Variants in TMTC1 observed in about 807,000 individuals in gnomAD.
TMTC1 encodes transmembrane O-mannosyltransferase targeting cadherins 1, also known as protein O-mannosyl-transferase TMTC1.
Under a neutral mutation model 104.8 loss-of-function variants are expected in TMTC1, and 73 were observed. The ratio of observed to expected loss-of-function variants is 0.70; its 90% CI spans 0.58 to 0.85. TMTC1 has a LOEUF of 0.85. Ranked by LOEUF, TMTC1 falls within the 40% of genes least tolerant of loss-of-function variation. The pLI, the probability that TMTC1 is intolerant of heterozygous loss-of-function variation, is 0.00. For missense variants in TMTC1, 1,035 were observed against 1,096.1 expected (o/e 0.94, Z 0.79); for synonymous variants, 434 against 428.7 (o/e 1.01, Z -0.15).
intron 5 of TMTC1, among the ~76,000 whole-genome samples, chr12:29,724,338 A>G (rs1210598723): frequency 6.6e-6 from 1 of 152,210 alleles, no homozygotes; most frequent in Non-Finnish European, 1.5e-5. Context: ...GAGAAGAAAT[A>G]GGGCCTAATT....
intron 7 of TMTC1, among the ~76,000 whole-genome samples, chr12:29,595,318 C>A (rs955869823): frequency 2.6e-5 from 4 of 152,202 alleles, no homozygotes; most frequent in African/African-American, 9.6e-5. Context: ...AACACATTGG[C>A]CAGTGGATCT....
At chr12:29,584,707 C>G (rs984024329) in intron 7 of TMTC1, among the ~76,000 whole-genome samples, 2 of 151,738 alleles carry the variant, frequency 1.3e-5, no homozygotes, top group African/African-American at 4.8e-5. Context: ...TTTTGTCCTT[C>G]TGATAGTTTG....
intron 5 of TMTC1, among the ~76,000 whole-genome samples, chr12:29,698,756 AGTATGAACAGAT>A (rs1289106090): frequency 2.0e-5 from 3 of 152,224 alleles, no homozygotes; most frequent in African/African-American, 7.2e-5. Context: ...GTCTTGCCAG[AGTATGAACAGAT>A]GCTCACTATC....
chr12:29,556,800 G>C, intron 10 of TMTC1, 57 bp downstream of exon 10: 1 of 1,606,976 alleles, frequency 6.2e-7, no homozygotes, highest in Non-Finnish European at 8.5e-7. Flanking sequence ...GTGTTGAGAA[G>C]GAAAGAGTTT....
rs545259604 is a variant in TMTC1 at position 29,521,570 on chromosome 12, T to A, written c.1786-850A>T. 7.4e-5 allele frequency among the ~76,000 whole-genome samples: 11 copies of A among 147,904 alleles called. No homozygotes were observed. In the East Asian group the frequency reaches 9.9e-4, roughly 13 times the overall value. On this transcript the variant is annotated intron_variant, in intron 11 of 17. Transcript: ENST00000539277. The stretch of plus-strand genomic sequence containing the variant: ...CATTTTTCTTTTTCTTTCTTTCTTT[T>A]TTTTTTTTTTTTTGAGACAGAGAGT...
chr12:29,693,793 T>C (rs990593350), intron 5 of TMTC1, among the ~76,000 whole-genome samples: 2 of 152,082 alleles, frequency 1.3e-5, no homozygotes, highest in East Asian at 3.9e-4. Context: ...TGTATTTTCA[T>C]AAGAGAAAAG....
chr12:29,608,486 T>C (rs547126141), intron 6 of TMTC1, among the ~76,000 whole-genome samples: 8 of 152,188 alleles, frequency 5.3e-5, no homozygotes, highest in Admixed American at 1.3e-4. Context: ...AACACAGCCA[T>C]TATAATACAT....
chr12:29,719,631 T>C (rs925833563), intron 5 of TMTC1, among the ~76,000 whole-genome samples: 1 of 152,176 alleles, frequency 6.6e-6, no homozygotes, highest in Non-Finnish European at 1.5e-5. Flanking sequence ...TCTCATTGAC[T>C]CTCCCTCTTG....
intron 11 of TMTC1, among the ~76,000 whole-genome samples, chr12:29,522,469 A>G (rs1398192144): frequency 6.6e-6 from 1 of 152,216 alleles, no homozygotes; most frequent in Non-Finnish European, 1.5e-5. Flanking sequence ...CAAAAAATTT[A>G]AAGATGAATT....
intron 5 of TMTC1, 137 bp downstream of exon 5, chr12:29,751,529 G>A (rs1347104697): frequency 4.7e-6 from 4 of 846,128 alleles, no homozygotes; most frequent in Non-Finnish European, 7.9e-6. Context: ...CAGGAAGAAG[G>A]GGGTAAGGAG....
intron 1 of TMTC1, among the ~76,000 whole-genome samples, chr12:29,772,209 T>C (rs1212783398): frequency 6.6e-6 from 1 of 152,184 alleles, no homozygotes; most frequent in Non-Finnish European, 1.5e-5. Flanking sequence ...CTTGAAATAT[T>C]AGAAGACCTG....
rs61735729 is a variant in TMTC1 at position 29,706,206 on chromosome 12, G to C, written c.938+45460C>G. On this transcript the variant is annotated intron_variant, in intron 5 of 17. Transcript: ENST00000539277. The stretch of plus-strand genomic sequence containing the variant: ...ACCAAGTTCAGACAGAACTGCAATG[G>C]GGTGGTCAAGAAAAGCTTCCTTGAG... 6.4e-3 allele frequency among the ~76,000 whole-genome samples: 979 copies of C among 152,246 alleles called. 14 individuals are homozygous for C. The highest frequency in any genetic ancestry group is 0.02 in the African/African-American group (816 of 41,534).
intron 16 of TMTC1, among the ~76,000 whole-genome samples, chr12:29,513,103 T>A (rs977942324): frequency 1.3e-5 from 2 of 152,182 alleles, no homozygotes; most frequent in African/African-American, 4.8e-5. Flanking sequence ...GATGGGAATG[T>A]AGTGTAGGAG....
chr12:29,644,111 A>ATGTGTGTG (rs371107912), intron 5 of TMTC1, among the ~76,000 whole-genome samples: 20 of 74,430 alleles, frequency 2.7e-4, no homozygotes, highest in Non-Finnish European at 3.2e-4. Flanking sequence ...ATAAATATAT[A>ATGTGTGTG]TGTGTGTGTG....
chr12:29,576,507 T>C (rs1006919070), intron 8 of TMTC1, among the ~76,000 whole-genome samples: 3 of 152,330 alleles, frequency 2.0e-5, no homozygotes, highest in East Asian at 1.9e-4. Flanking sequence ...AGGGACACTA[T>C]GCTAAGTAAA....
chr12:29,756,158 T>C (rs978317645), intron 3 of TMTC1, among the ~76,000 whole-genome samples: 3 of 152,230 alleles, frequency 2.0e-5, no homozygotes, highest in South Asian at 2.1e-4. Flanking sequence ...TATGAAAAGA[T>C]GTTTAAGTGA....
chr12:29,617,861 G>A (rs1463962836), intron 6 of TMTC1, among the ~76,000 whole-genome samples: 1 of 152,138 alleles, frequency 6.6e-6, no homozygotes, highest in Non-Finnish European at 1.5e-5. Flanking sequence ...CCATTATAAA[G>A]GTGATGACTA....
chr12:29,752,645 A>G (rs1319042358), intron 4 of TMTC1, among the ~76,000 whole-genome samples: 3 of 152,238 alleles, frequency 2.0e-5, no homozygotes, highest in Non-Finnish European at 4.4e-5. Flanking sequence ...TGATAATTAA[A>G]TACTATACAG....
intron 12 of TMTC1, 81 bp downstream of exon 12, chr12:29,520,537 G>A (rs1944120135): frequency 1.6e-6 from 2 of 1,221,096 alleles, no homozygotes; most frequent in Admixed American, 1.9e-5. Context: ...TTTTACTTCT[G>A]AGGATTATTT....
Sources: allele counts gnomAD v4.1 joint callset (sites outside exome capture counted in the v4.1 genomes callset), GRCh38; gene constraint gnomAD v4.1.1; transcripts MANE v1.5; gene names NCBI Gene and HGNC (gene_info 2026-07-23, HGNC 2026-07-21).